Variants in AAK1 observed in about 807,000 individuals in gnomAD.
The protein encoded by AAK1 is AP2 associated kinase 1, also known as AP2-associated protein kinase 1.
A neutral mutation model predicts 116.0 loss-of-function variants in AAK1; 37 were observed. The observed-to-expected ratio is 0.32, with a 90% CI of 0.25 to 0.42. The LOEUF (loss-of-function observed/expected upper bound fraction) is 0.42. AAK1 is among the 10% of genes least tolerant of loss of function. The pLI, the probability that AAK1 is intolerant of heterozygous loss-of-function variation, is 1.00. For missense variants in AAK1, 919 were observed against 1,170.6 expected (o/e 0.79, Z 3.14); for synonymous variants, 458 against 439.9 (o/e 1.04, Z -0.51).
rs1437921141 is a variant in AAK1 at position 69,473,424 on chromosome 2, C to T, written c.*2445G>A. Reference sequence around the variant, plus strand: ...GGAAGGCTCCGTTTACCAAAGCACTCATATGTGTTCCTTAACAGAAAAATA... The same window carrying T: ...GGAAGGCTCCGTTTACCAAAGCACTTATATGTGTTCCTTAACAGAAAAATA... On this transcript the variant is annotated 3_prime_UTR_variant, in exon 22 of 22. Coordinates refer to ENST00000409085, the MANE Select transcript of AAK1 (RefSeq NM_014911.5). 2 of 985,336 alleles carry T rather than the reference C, an allele frequency of 2.0e-6. No homozygotes were observed. The highest frequency in any genetic ancestry group is 2.4e-6 in the Non-Finnish European group (2 of 829,936). 61.0% of individuals were successfully genotyped at this position (985,336 alleles called of 1,614,324 possible). A position where few individuals can be genotyped will look rare whatever the true frequency, so the allele number is the denominator to read the frequency against.
rs956061263 is a variant in AAK1 at position 69,463,825 on chromosome 2, T to A, written c.*12044A>T. ...CATGCCCAGCCTATTTTTTTATTTA[T>A]TTTTTGAAGGGACAGGGTCTCGCTG... On this transcript the variant is annotated 3_prime_UTR_variant, in exon 22 of 22. Coordinates refer to ENST00000409085, the MANE Select transcript of AAK1 (RefSeq NM_014911.5). 3 of 152,226 alleles carry A rather than the reference T, an allele frequency of 2.0e-5. No homozygotes were observed. Among genetic ancestry groups the A allele is most frequent in the African/African-American group, 4.8e-5 (2 of 41,388 alleles). 9.4% of individuals were successfully genotyped at this position (152,226 alleles called of 1,614,324 possible). A position where few individuals can be genotyped will look rare whatever the true frequency, so the allele number is the denominator to read the frequency against.
chr2:69,488,626 G>A (rs1675396340), intron 17 of AAK1, among the ~76,000 whole-genome samples: 1 of 152,148 alleles, frequency 6.6e-6, no homozygotes, highest in African/African-American at 2.4e-5. Flanking sequence ...TAAGTAAGAG[G>A]ACTAAATGGG....
intron 21 of AAK1, 31 bp from the exon 22 acceptor site, chr2:69,475,994 A>G: frequency 1.9e-6 from 3 of 1,596,154 alleles, no homozygotes; most frequent in Non-Finnish European, 2.6e-6. Context: ...ATTCAGTACA[A>G]AACATAGAGG....
intron 3 of AAK1, among the ~76,000 whole-genome samples, chr2:69,550,187 C>CT (rs1572947507): frequency 6.6e-6 from 1 of 152,212 alleles, no homozygotes; most frequent in African/African-American, 2.4e-5. Flanking sequence ...ACTGAGCTCT[C>CT]TATCCAGACA....
intron 2 of AAK1, among the ~76,000 whole-genome samples, chr2:69,583,837 AT>A (rs142590000): frequency 0.044 from 6,734 of 152,092 alleles, 404 homozygotes; most frequent in East Asian, 0.16. Flanking sequence ...GTTTCTGGAT[AT>A]TTTTTCAAGC....
chr2:69,627,867 A>G (rs10201537), intron 2 of AAK1, among the ~76,000 whole-genome samples: 20,060 of 152,194 alleles, frequency 0.13, 3,071 homozygotes, highest in African/African-American at 0.36. Flanking sequence ...CTGATGGCTC[A>G]TTAAAAAGTC....
intron 2 of AAK1, chr2:69,598,427 A>G (rs1673403423): frequency 3.7e-6 from 1 of 273,208 alleles, no homozygotes; most frequent in Admixed American, 3.9e-5. Context: ...TGTAAAACCC[A>G]TTAAGTTTGA....
intron 2 of AAK1, among the ~76,000 whole-genome samples, chr2:69,563,012 T>A (rs1312017910): frequency 2.0e-5 from 3 of 152,124 alleles, no homozygotes; most frequent in Admixed American, 6.5e-5. Flanking sequence ...TACAGTGAAC[T>A]ATGATGGCAC....
chr2:69,544,317 ATC>A, intron 4 of AAK1, 117 bp downstream of exon 4: 2 of 717,668 alleles, frequency 2.8e-6, no homozygotes, highest in South Asian at 3.6e-5. Context: ...TAGTTTTCTC[ATC>A]TGTCAAACCA....
rs936899577 is a variant in AAK1, at chr2:69,460,998, A to G, written c.*14871T>C. Reference sequence around the variant, plus strand: ...TATCAAATGTGTAAAGCAAAAACACAACAAACGAAAACAAGAAAGTAGAGT... The same window carrying G: ...TATCAAATGTGTAAAGCAAAAACACGACAAACGAAAACAAGAAAGTAGAGT... On this transcript the variant is annotated 3_prime_UTR_variant, in exon 22 of 22. Transcript: ENST00000409085. 3 of 152,238 alleles carry G rather than the reference A, an allele frequency of 2.0e-5. No homozygotes were observed. Among genetic ancestry groups the G allele is most frequent in the Non-Finnish European group, 4.4e-5 (3 of 68,046 alleles). The allele number at this position is 152,238 out of a possible 1,614,324, so 9.4% of individuals were successfully genotyped here. A position where few individuals can be genotyped will look rare whatever the true frequency, so the allele number is the denominator to read the frequency against.
intron 2 of AAK1, among the ~76,000 whole-genome samples, chr2:69,586,767 A>G (rs1168872538): frequency 1.3e-5 from 2 of 152,194 alleles, no homozygotes; most frequent in Non-Finnish European, 1.5e-5. Flanking sequence ...AAGTTTCTCA[A>G]TTCTAACAGC....
chr2:69,472,435 C>T lies in AAK1; in HGVS notation c.*3434G>A, dbSNP rs1674711141. 3.2e-6 allele frequency: 1 copy of T among 311,308 alleles called. No individual in the cohort carries two copies. Among genetic ancestry groups the T allele is most frequent in the African/African-American group, 2.3e-5 (1 of 44,272 alleles). The allele number at this position is 311,308 out of a possible 1,614,324, so 19.3% of individuals were successfully genotyped here. A position where few individuals can be genotyped will look rare whatever the true frequency, so the allele number is the denominator to read the frequency against. ...CTAAGGAGAGGAGTTTCAAAAATAA[C>T]TTTAAGGATGGCAGCATCATTAGAA... On this transcript the variant is annotated 3_prime_UTR_variant, in exon 22 of 22. Transcript: ENST00000409085.
At chr2:69,580,575 C>G (rs1672500809) in intron 2 of AAK1, among the ~76,000 whole-genome samples, 1 of 152,182 alleles carries the variant, frequency 6.6e-6, no homozygotes, top group African/African-American at 2.4e-5. Context: ...TCCTGGTGGC[C>G]TTTTTCTTCT....
chr2:69,584,740 G>A (rs995229109), intron 2 of AAK1, among the ~76,000 whole-genome samples: 1 of 152,202 alleles, frequency 6.6e-6, no homozygotes, highest in African/African-American at 2.4e-5. Flanking sequence ...ACTGGTCTCA[G>A]TAAGATCCCA....
rs1297443538 is a variant in AAK1 at position 69,642,217 on chromosome 2, CAAA to C, written c.163+658_163+660del. 3.9e-5 allele frequency among the ~76,000 whole-genome samples: 6 copies of C among 151,980 alleles called. No homozygotes were observed. In the East Asian group the frequency reaches 1.2e-3, roughly 29 times the overall value. On this transcript the variant is annotated intron_variant, in intron 2 of 21. Coordinates refer to ENST00000409085, the MANE Select transcript of AAK1 (RefSeq NM_014911.5). ...GTAATTTTTCTTTTGATTAAAAAAA[CAAA>C]AAACAAAACCTAAAGCGAGAAGGAA... is the stretch of plus-strand genomic sequence containing the variant.
intron 2 of AAK1, among the ~76,000 whole-genome samples, chr2:69,595,872 G>A (rs891249455): frequency 6.6e-6 from 1 of 152,206 alleles, no homozygotes; most frequent in Non-Finnish European, 1.5e-5. Flanking sequence ...GCTCCTGTTA[G>A]GAACTAATGC....
intron 2 of AAK1, among the ~76,000 whole-genome samples, chr2:69,642,023 G>A (rs1222286820): frequency 6.6e-6 from 1 of 152,158 alleles, no homozygotes; most frequent in African/African-American, 2.4e-5. Flanking sequence ...GAAGGTCGAG[G>A]TTAAGGTTAC....
At chr2:69,513,503 T>G (rs1676470499) in intron 13 of AAK1, among the ~76,000 whole-genome samples, 1 of 152,122 alleles carries the variant, frequency 6.6e-6, no homozygotes, top group Admixed American at 6.5e-5. Flanking sequence ...TTTTGTATTT[T>G]TAGTAGAGAC....
intron 6 of AAK1, among the ~76,000 whole-genome samples, chr2:69,531,084 A>C (rs1248929139): frequency 6.6e-6 from 1 of 152,134 alleles, no homozygotes; most frequent in African/African-American, 2.4e-5. Context: ...CAACACAGAG[A>C]TGTAATACTG....
Sources: gnomAD v4.1 joint callset for allele counts (sites outside exome capture counted in the v4.1 genomes callset) on GRCh38, gnomAD v4.1.1 for gene constraint, MANE v1.5 for transcripts, NCBI Gene and HGNC (gene_info 2026-07-23, HGNC 2026-07-21) for gene names.